The following ARHGAP28 variants were observed in gnomAD, a reference collection of about 807,000 sequenced individuals.
The protein encoded by ARHGAP28 is rho GTPase-activating protein 28.
Under a neutral mutation model 90.7 loss-of-function variants are expected in ARHGAP28, and 56 were observed. That is an observed-to-expected ratio of 0.62 (90% CI 0.50 to 0.77). ARHGAP28 has a LOEUF of 0.77. Among genes scored for constraint, ARHGAP28 ranks in the 30% least tolerant of loss-of-function variants. ARHGAP28 has a pLI of 0.00. For synonymous variants in ARHGAP28, 308 were observed against 323.3 expected, an observed-to-expected ratio of 0.95 and a Z score of 0.51; for missense variants, 869 against 900.9, an observed-to-expected ratio of 0.96 and a Z score of 0.45.
Position 6,802,316 on chromosome 18 carries a change from T to C in ARHGAP28, c.123-22446T>C, listed in dbSNP as rs984799534. Among the ~76,000 whole-genome samples, 8 of 148,628 alleles carry C rather than the reference T, an allele frequency of 5.4e-5. No homozygotes were observed. In the East Asian group the frequency reaches 1.2e-3, roughly 22 times the overall value. On this transcript the variant is annotated intron_variant, in intron 1 of 17. Transcript: ENST00000383472. ...GTGCAGTAGTGGAATTGCTGGATCA[T>C]ATGGATCATATGGTAGTTCTTTTTT...
chr18:6,785,722 C>T (rs1016674983), intron 1 of ARHGAP28, among the ~76,000 whole-genome samples: 2 of 152,176 alleles, frequency 1.3e-5, no homozygotes, highest in South Asian at 2.1e-4. Context: ...ATTACCGTGC[C>T]TGTGATGTAT....
intron 7 of ARHGAP28, among the ~76,000 whole-genome samples, chr18:6,872,810 C>T (rs1241228906): frequency 6.6e-6 from 1 of 152,076 alleles, no homozygotes; most frequent in East Asian, 1.9e-4. Flanking sequence ...GGATTGTTTG[C>T]ACTTTCTCTG....
chr18:6,884,231 A>C (rs1386239666), intron 11 of ARHGAP28, among the ~76,000 whole-genome samples: 2 of 152,144 alleles, frequency 1.3e-5, no homozygotes, highest in Non-Finnish European at 2.9e-5. Flanking sequence ...AAAATTGGCC[A>C]GGCGTGGTGG....
At chr18:6,732,119 C>G (rs968871887) in intron 1 of ARHGAP28, among the ~76,000 whole-genome samples, 1 of 150,820 alleles carries the variant, frequency 6.6e-6, no homozygotes, top group African/African-American at 2.4e-5. Flanking sequence ...TTTTTCTAGC[C>G]TTTTCCCAGT....
chr18:6,870,833 TC>T, intron 7 of ARHGAP28, 101 bp downstream of exon 7: 1 of 1,283,658 alleles, frequency 7.8e-7, no homozygotes, highest in South Asian at 1.5e-5. Flanking sequence ...GGAGTCTCGC[TC>T]TATTGCCCCA....
chr18:6,847,622 A>T (rs201353704), intron 3 of ARHGAP28, among the ~76,000 whole-genome samples: 8 of 96,894 alleles, frequency 8.3e-5, no homozygotes, highest in Middle Eastern at 4.3e-3. Flanking sequence ...AGAGAGAGAG[A>T]GAGTGGGGGT....
In ARHGAP28 at chr18:6,898,703, A is replaced by C. The variant is rs1429057550; in HGVS notation, c.2030+2077A>C. On this transcript the variant is annotated intron_variant, in intron 16 of 17. Transcript: ENST00000383472. ...TTCGTAGAAAGAAAATGTTTCTAAT[A>C]AAAATGTATTAGAACTAATGACTGC... is the stretch of plus-strand genomic sequence containing the variant. 5.7e-6 allele frequency: 8 copies of C among 1,401,828 alleles called. No individual in the cohort carries two copies. In the African/African-American group the frequency reaches 1.0e-4, roughly 18 times the overall value. The allele number at this position is 1,401,828 out of a possible 1,614,324, so 86.8% of individuals were successfully genotyped here. A position where few individuals can be genotyped will look rare whatever the true frequency, so the allele number is the denominator to read the frequency against.
chr18:6,841,203 C>CTCTCTTT (rs754874496), intron 3 of ARHGAP28, among the ~76,000 whole-genome samples: 1 of 41,972 alleles, frequency 2.4e-5, no homozygotes, highest in Admixed American at 2.9e-4. Context: ...CTCTCTCTCT[C>CTCTCTTT]CTCTCCTCTC....
intron 3 of ARHGAP28, among the ~76,000 whole-genome samples, chr18:6,840,226 C>T (rs1177675934): frequency 3.9e-5 from 6 of 152,152 alleles, no homozygotes; most frequent in Non-Finnish European, 7.3e-5. Flanking sequence ...CAGTTGTGTC[C>T]GGGATCATCT....
chr18:6,774,847 G>T (rs934663773), intron 1 of ARHGAP28, among the ~76,000 whole-genome samples: 2 of 152,184 alleles, frequency 1.3e-5, no homozygotes, highest in Non-Finnish European at 2.9e-5. Context: ...GAGTTCTACA[G>T]GAAAGAGGTT....
chr18:6,764,566 C>G (rs2056186041), intron 1 of ARHGAP28, among the ~76,000 whole-genome samples: 2 of 152,290 alleles, frequency 1.3e-5, no homozygotes, highest in African/African-American at 4.8e-5. Context: ...GTTGTAATAA[C>G]CCCTCTTCAG....
At chr18:6,754,524 T>C (rs1392593305) in intron 1 of ARHGAP28, among the ~76,000 whole-genome samples, 1 of 152,208 alleles carries the variant, frequency 6.6e-6, no homozygotes, top group Non-Finnish European at 1.5e-5. Context: ...AATTCACCGA[T>C]GGCATGAAGT....
At chr18:6,735,972 G>A (rs9956345) in intron 1 of ARHGAP28, among the ~76,000 whole-genome samples, 6,113 of 152,176 alleles carry the variant, frequency 0.04, 411 homozygotes, top group African/African-American at 0.14. Context: ...TTTGATCTTC[G>A]GGATAAGGTG....
chr18:6,842,355 A>G (rs183620975), intron 3 of ARHGAP28, among the ~76,000 whole-genome samples: 12 of 152,256 alleles, frequency 7.9e-5, no homozygotes, highest in African/African-American at 2.9e-4. Flanking sequence ...AGACAGAATG[A>G]TAGATCCTGT....
chr18:6,862,223 C>A (rs549157805), intron 5 of ARHGAP28, among the ~76,000 whole-genome samples: 2 of 152,212 alleles, frequency 1.3e-5, no homozygotes, highest in South Asian at 4.1e-4. Context: ...AGTTTGATTT[C>A]CCAGTCTCTT....
chr18:6,823,375 C>A (rs1236370211), intron 1 of ARHGAP28, among the ~76,000 whole-genome samples: 1 of 151,976 alleles, frequency 6.6e-6, no homozygotes, highest in Non-Finnish European at 1.5e-5. Flanking sequence ...CATGTTGTTT[C>A]TTGTGTCTGA....
chr18:6,863,845 C>T (rs888076229), intron 5 of ARHGAP28, among the ~76,000 whole-genome samples: 2 of 149,944 alleles, frequency 1.3e-5, no homozygotes, highest in Admixed American at 6.6e-5. Flanking sequence ...TGCAATGGCG[C>T]GATCTCGGCT....
chr18:6,829,319 G>A (rs902569238), intron 2 of ARHGAP28, among the ~76,000 whole-genome samples: 4 of 152,124 alleles, frequency 2.6e-5, no homozygotes, highest in African/African-American at 9.7e-5. Context: ...GCTCCACAGG[G>A]CTTGTTGCTG....
chr18:6,858,664 T>C (rs754313332), intron 4 of ARHGAP28, among the ~76,000 whole-genome samples: 6 of 151,872 alleles, frequency 4.0e-5, no homozygotes, highest in Non-Finnish European at 4.4e-5. Context: ...CTGCCTCAGC[T>C]TCCCAACAGG....
Sources: gnomAD v4.1 joint callset for allele counts (sites outside exome capture counted in the v4.1 genomes callset) on GRCh38, gnomAD v4.1.1 for gene constraint, MANE v1.5 for transcripts, NCBI Gene and HGNC (gene_info 2026-07-23, HGNC 2026-07-21) for gene names.